The following FNBP1 variants were observed in gnomAD, a reference collection of about 807,000 sequenced individuals.
The protein encoded by FNBP1 is formin binding protein 1.
Under a neutral mutation model 90.6 loss-of-function variants are expected in FNBP1, and 26 were observed. The observed-to-expected ratio is 0.29, with a 90% confidence interval of 0.21 to 0.40. FNBP1 has a LOEUF of 0.40. Ranked by LOEUF, FNBP1 falls within the 10% of genes least tolerant of loss-of-function variation. FNBP1 has a pLI of 1.00. For missense variants in FNBP1, 635 were observed against 768.0 expected (o/e 0.83, Z 2.05); for synonymous variants, 260 against 265.2 (o/e 0.98, Z 0.19).
chr9:129,916,076 G>A, intron 10 of FNBP1, 96 bp from the exon 11 acceptor site: 4 of 840,718 alleles, frequency 4.8e-6, no homozygotes, highest in Middle Eastern at 2.4e-4. Context: ...AGAGGAACTT[G>A]GTCAGTTCCG....
At chr9:130,053,749 G>A in the FNBP1 span, 1 of 607,096 alleles carries the variant, frequency 1.6e-6, no homozygotes, top group South Asian at 2.0e-5. Context: ...GCGGCCGATC[G>A]AAGGGCCCCG....
chr9:130,049,831 G>A, the FNBP1 span, among the ~76,000 whole-genome samples: 1 of 152,052 alleles, frequency 6.6e-6, no homozygotes. Flanking sequence ...ACTTATTGTA[G>A]AAAATAAAGC....
In FNBP1 at chr9:129,957,473, A is replaced by G. The variant is rs1325452445; in HGVS notation, c.409-9T>C. ...TCAAATCGCCTTTTACTCTAAAATC[A>G]GAGGAAAATAATTATGAAACCATAA... On this transcript the variant is annotated splice_polypyrimidine_tract_variant and intron_variant, in intron 5 of 16. Coordinates refer to ENST00000446176, the MANE Select transcript of FNBP1 (RefSeq NM_015033.3). This position sits in a 1 kb window ranked among gnomAD's most constrained non-coding sequence, Gnocchi z 4.3. 1.3e-6 allele frequency: 2 copies of G among 1,593,338 alleles called. No homozygotes were observed. Among genetic ancestry groups the G allele is most frequent in the Non-Finnish European group, 1.7e-6 (2 of 1,161,748 alleles).
chr9:129,962,396 A>G (rs1376711388), intron 4 of FNBP1, among the ~76,000 whole-genome samples: 1 of 152,204 alleles, frequency 6.6e-6, no homozygotes, highest in Non-Finnish European at 1.5e-5. Context: ...CTCACAAGGT[A>G]AGCATTGGTG....
chr9:130,013,613 T>C (rs928483361), intron 1 of FNBP1: 5 of 435,324 alleles, frequency 1.1e-5, no homozygotes, highest in Non-Finnish European at 2.3e-5. Context: ...ACAATAACTC[T>C]TGCTCATGTG....
chr9:129,903,091 G>A (rs1167377483), intron 12 of FNBP1, 90 bp from the exon 13 acceptor site: 1 of 1,298,914 alleles, frequency 7.7e-7, no homozygotes, highest in Non-Finnish European at 1.1e-6. Flanking sequence ...GGAGTGCAAT[G>A]GTGCGATCTC....
chr9:129,922,263 G>A (rs1242397976), intron 10 of FNBP1, among the ~76,000 whole-genome samples: 3 of 152,194 alleles, frequency 2.0e-5, no homozygotes, highest in East Asian at 1.9e-4. Flanking sequence ...CTCTGTAAAC[G>A]AAACTGGTAT....
intron 2 of FNBP1, among the ~76,000 whole-genome samples, chr9:129,991,633 C>T (rs1340421510): frequency 6.7e-6 from 1 of 149,966 alleles, no homozygotes; most frequent in Non-Finnish European, 1.5e-5. Context: ...CATTTCAGAT[C>T]ATTTCAGATG....
In FNBP1 at chr9:129,924,949, A is replaced by T. The variant is rs765640062; in HGVS notation, c.987+11T>A. The T allele has an allele frequency of 3.1e-6, 5 of 1,603,220 alleles. No individual in the cohort carries two copies. Among genetic ancestry groups the T allele is most frequent in the Non-Finnish European group, 4.3e-6 (5 of 1,174,216 alleles). ...ACCTTAGAAAACTCATTTCACGCCA[A>T]CCATCAGTACCTTATTTTTTTTGAT... On this transcript the variant is annotated intron_variant, in intron 9 of 16. Coordinates refer to ENST00000446176, the MANE Select transcript of FNBP1 (RefSeq NM_015033.3).
intron 6 of FNBP1, among the ~76,000 whole-genome samples, chr9:129,938,191 T>A (rs1319173034): frequency 1.3e-5 from 2 of 151,984 alleles, no homozygotes; most frequent in African/African-American, 4.8e-5. Context: ...ATTAATTTTT[T>A]AAAAAAAGCT....
chr9:129,897,243 T>C (rs1437001693), intron 15 of FNBP1, among the ~76,000 whole-genome samples: 1 of 152,168 alleles, frequency 6.6e-6, no homozygotes, highest in Admixed American at 6.5e-5. Context: ...GGCATCTCTG[T>C]ATCCATTCCT....
At chr9:129,923,813 C>T (rs2041478975) in intron 10 of FNBP1, 31 bp downstream of exon 10, 1 of 1,535,576 alleles carries the variant, frequency 6.5e-7, no homozygotes, top group Non-Finnish European at 8.7e-7. Flanking sequence ...CAAAGCACGC[C>T]AGAGAGACAG....
At chr9:129,947,984 TAA>T (rs540379042) in intron 6 of FNBP1, among the ~76,000 whole-genome samples, 39 of 134,966 alleles carry the variant, frequency 2.9e-4, no homozygotes, top group Admixed American at 4.5e-4. Flanking sequence ...CCCTTAAATT[TAA>T]AAAAAAAAAA....
intron 1 of FNBP1, among the ~76,000 whole-genome samples, chr9:130,037,456 C>T (rs2059420225): frequency 1.3e-5 from 2 of 152,054 alleles, no homozygotes; most frequent in African/African-American, 4.8e-5. Flanking sequence ...TAATAATTAT[C>T]CAATACCTGG....
At chr9:129,940,173 C>A (rs1263281534) in intron 6 of FNBP1, among the ~76,000 whole-genome samples, 1 of 152,112 alleles carries the variant, frequency 6.6e-6, no homozygotes, top group Non-Finnish European at 1.5e-5. Flanking sequence ...TGTACTTCAG[C>A]CTGGGCTTAG....
chr9:129,978,148 G>C (rs934227198), intron 4 of FNBP1, among the ~76,000 whole-genome samples: 1 of 151,998 alleles, frequency 6.6e-6, no homozygotes, highest in African/African-American at 2.4e-5. Flanking sequence ...AGCCTCCTGA[G>C]TAGCTGGGAT....
chr9:129,928,002 A>T (rs1588616682), intron 7 of FNBP1, among the ~76,000 whole-genome samples: 1 of 151,002 alleles, frequency 6.6e-6, no homozygotes, highest in East Asian at 2.0e-4. Flanking sequence ...ACCTTTTACC[A>T]AAAGCACAGT....
chr9:130,045,054 G>GT (rs1328095577), upstream of FNBP1: 1 of 152,150 alleles, frequency 6.6e-6, no homozygotes, highest in Non-Finnish European at 1.5e-5. Flanking sequence ...TTGTTGGGCA[G>GT]TTACAATAAA....
chr9:129,958,817 C>CA (rs983771710), intron 4 of FNBP1, among the ~76,000 whole-genome samples: 1 of 150,230 alleles, frequency 6.7e-6, no homozygotes, highest in Non-Finnish European at 1.5e-5. Context: ...CCCCACTCTA[C>CA]AAAAAAATAG....
Sources: gnomAD v4.1 joint callset for allele counts (sites outside exome capture counted in the v4.1 genomes callset) on GRCh38, gnomAD v4.1.1 for gene constraint, Gnocchi (gnomAD v3.1) non-coding constraint, MANE v1.5 for transcripts, NCBI Gene and HGNC (gene_info 2026-07-23, HGNC 2026-07-21) for gene names.